Variants in STK3 observed in about 807,000 individuals in gnomAD.
The protein encoded by STK3 is serine/threonine kinase 3, also known as serine/threonine-protein kinase 3.
A neutral mutation model predicts 58.0 loss-of-function variants in STK3; 41 were observed. The observed-to-expected ratio is 0.71, with a 90% confidence interval of 0.55 to 0.92. The LOEUF (loss-of-function observed/expected upper bound fraction) is 0.92, where lower values mean the gene tolerates loss of function less well. Ranked by LOEUF, STK3 falls within the 40% of genes least tolerant of loss-of-function variation. STK3 has a pLI of 0.00. For synonymous variants in STK3, 170 were observed against 191.0 expected (o/e 0.89, Z 0.91); for missense variants, 479 against 602.7 (o/e 0.79, Z 2.15).
chr8:98,876,705 G>A (rs1312182586), intron 3 of STK3, among the ~76,000 whole-genome samples: 1 of 152,226 alleles, frequency 6.6e-6, no homozygotes, highest in African/African-American at 2.4e-5. Context: ...CTTGCTCCTA[G>A]TAGGGCTCAA....
chr8:98,416,599 T>C (rs1818117221), intron 3 of STK3, among the ~76,000 whole-genome samples: 1 of 152,194 alleles, frequency 6.6e-6, no homozygotes, highest in African/African-American at 2.4e-5. Context: ...CAGCATTGTG[T>C]TCCCCACCCC....
At chr8:98,661,936 C>T (rs750501753) in intron 6 of STK3, among the ~76,000 whole-genome samples, 7 of 152,090 alleles carry the variant, frequency 4.6e-5, no homozygotes, top group Admixed American at 2.0e-4. Flanking sequence ...ATTCTAGTCA[C>T]AATTACCACA....
At chr8:98,900,053 G>T (rs1319650032) in intron 1 of STK3, among the ~76,000 whole-genome samples, 1 of 152,116 alleles carries the variant, frequency 6.6e-6, no homozygotes. Flanking sequence ...GCCACAGACT[G>T]GTTTCCTTGA....
intron 8 of STK3, among the ~76,000 whole-genome samples, chr8:98,573,292 G>T (rs1409965342): frequency 6.6e-6 from 1 of 152,150 alleles, no homozygotes; most frequent in African/African-American, 2.4e-5. Flanking sequence ...AAAGAAAAGA[G>T]GTTTAATTGA....
intron 9 of STK3, among the ~76,000 whole-genome samples, chr8:98,542,906 C>G (rs891664324): frequency 8.5e-5 from 13 of 152,216 alleles, no homozygotes; most frequent in African/African-American, 3.1e-4. Flanking sequence ...ATGCTCTTCA[C>G]TATACCACAT....
At chr8:98,734,587 G>A (rs1828434037) in intron 4 of STK3, among the ~76,000 whole-genome samples, 1 of 152,122 alleles carries the variant, frequency 6.6e-6, no homozygotes, top group East Asian at 1.9e-4. Flanking sequence ...ATTATGTAAA[G>A]ATCATTTGGA....
Position 98,454,809 on chromosome 8 carries a change from C to CA in STK3, c.*1032_*1033insT, listed in dbSNP as rs1819372401. 1.3e-5 allele frequency: 2 copies of CA among 149,318 alleles called. No homozygotes were observed. Among genetic ancestry groups the CA allele is most frequent in the Non-Finnish European group, 3.0e-5 (2 of 66,954 alleles). 9.2% of individuals were successfully genotyped at this position (149,318 alleles called of 1,614,324 possible). A position where few individuals can be genotyped will look rare whatever the true frequency, so the allele number is the denominator to read the frequency against. Reference sequence around the variant, plus strand: ...TGAGTTTCTTTTTAATGGTTTTAATCTTTTTTTTTTCAGTCCCCAAGGCTT... The same window carrying CA: ...TGAGTTTCTTTTTAATGGTTTTAATCATTTTTTTTTTCAGTCCCCAAGGCTT... On this transcript the variant is annotated 3_prime_UTR_variant, in exon 11 of 11. Coordinates refer to ENST00000419617, the MANE Select transcript of STK3 (RefSeq NM_006281.4).
chr8:98,487,445 C>T (rs1463855844), intron 10 of STK3, among the ~76,000 whole-genome samples: 1 of 152,122 alleles, frequency 6.6e-6, no homozygotes, highest in Non-Finnish European at 1.5e-5. Context: ...AACTCGGAAA[C>T]CTAAATAGCT....
In STK3 at chr8:98,777,445, G is replaced by A. The variant is rs2131505309; in HGVS notation, c.27-2626C>T. 1.3e-5 allele frequency among the ~76,000 whole-genome samples: 2 copies of A among 152,234 alleles called. 1 individual carries two copies. The highest frequency in any genetic ancestry group is 6.8e-3 in the Middle Eastern group (2 of 294). The stretch of plus-strand genomic sequence containing the variant: ...TGGGAGACTGAGCCTGGGAGATGGA[G>A]GTTGCAGTGAGCCGAGATCACGCCA... On this transcript the variant is annotated intron_variant, in intron 1 of 10. Transcript: ENST00000419617.
At chr8:98,586,316 A>G (rs1449461425) in intron 7 of STK3, among the ~76,000 whole-genome samples, 1 of 152,126 alleles carries the variant, frequency 6.6e-6, no homozygotes, top group African/African-American at 2.4e-5. Flanking sequence ...AGGGTGGTTG[A>G]ATTTTGTCAA....
At chr8:98,642,347 A>G (rs1262152015) in intron 6 of STK3, among the ~76,000 whole-genome samples, 1 of 147,884 alleles carries the variant, frequency 6.8e-6, no homozygotes, top group Non-Finnish European at 1.5e-5. Flanking sequence ...AATAATATTA[A>G]TAATTATCCT....
Position 98,614,905 on chromosome 8 carries a change from G to C in STK3, c.685-18736C>G, listed in dbSNP as rs943913580. 5.3e-5 allele frequency among the ~76,000 whole-genome samples: 8 copies of C among 152,162 alleles called. 1 individual carries two copies. Among genetic ancestry groups the C allele is most frequent in the South Asian group, 4.1e-4 (2 of 4,830 alleles). ...GGGGAGGGGAGCCCGCCATTGCCCG[G>C]GCTTGCTTAGGTAAACAAAGCAGCC... On this transcript the variant is annotated intron_variant, in intron 6 of 10. Transcript: ENST00000419617.
the STK3 span, among the ~76,000 whole-genome samples, chr8:98,364,341 C>T: frequency 6.6e-6 from 1 of 152,202 alleles, no homozygotes; most frequent in Non-Finnish European, 1.5e-5. Flanking sequence ...TTGGAAGAAG[C>T]AGATGGTGCT....
chr8:98,656,095 A>AC (rs1821480850), intron 6 of STK3, among the ~76,000 whole-genome samples: 1 of 152,234 alleles, frequency 6.6e-6, no homozygotes, highest in Non-Finnish European at 1.5e-5. Flanking sequence ...TAAATGTCCA[A>AC]CAATGATAGA....
At chr8:98,418,524 G>A (rs1818136933) in intron 3 of STK3, among the ~76,000 whole-genome samples, 1 of 152,196 alleles carries the variant, frequency 6.6e-6, no homozygotes, top group South Asian at 2.1e-4. Context: ...GTGGGCAGGT[G>A]TCACTTTCAC....
At chr8:98,412,335 C>T (rs1818066833) in intron 3 of STK3, among the ~76,000 whole-genome samples, 2 of 152,192 alleles carry the variant, frequency 1.3e-5, no homozygotes, top group Admixed American at 1.3e-4. Flanking sequence ...TTGTTCAGGC[C>T]TCATCTAACA....
At chr8:98,410,577 T>C (rs1460840772) in intron 3 of STK3, among the ~76,000 whole-genome samples, 1 of 152,120 alleles carries the variant, frequency 6.6e-6, no homozygotes, top group Non-Finnish European at 1.5e-5. Flanking sequence ...TATAAAGAAA[T>C]AGATGAATAA....
At chr8:98,480,147 T>C (rs1821731923) in intron 10 of STK3, among the ~76,000 whole-genome samples, 1 of 152,136 alleles carries the variant, frequency 6.6e-6, no homozygotes, top group African/African-American at 2.4e-5. Context: ...GCATAAATTA[T>C]AGCTAAAAAC....
the STK3 span, among the ~76,000 whole-genome samples, chr8:98,364,816 G>A: frequency 1.2e-4 from 18 of 152,346 alleles, no homozygotes; most frequent in Non-Finnish European, 1.8e-4. Flanking sequence ...GAGGTTAGCA[G>A]TTGGGAGGAA....
Sources: gnomAD v4.1 joint callset for allele counts (sites outside exome capture counted in the v4.1 genomes callset) on GRCh38, gnomAD v4.1.1 for gene constraint, MANE v1.5 for transcripts, NCBI Gene and HGNC (gene_info 2026-07-23, HGNC 2026-07-21) for gene names.